The following LACTB variants were observed in gnomAD, a reference collection of about 807,000 sequenced individuals.
The protein encoded by LACTB is lactamase beta, also known as serine beta-lactamase-like protein LACTB, mitochondrial.
Under a neutral mutation model 50.2 loss-of-function variants are expected in LACTB, and 35 were observed. That is an observed-to-expected ratio of 0.70 (90% CI 0.53 to 0.92). The LOEUF (loss-of-function observed/expected upper bound fraction) is 0.92. LACTB is among the 40% of genes least tolerant of loss of function. LACTB has a pLI of 0.00. For synonymous variants in LACTB, 252 were observed against 268.2 expected, an observed-to-expected ratio of 0.94 and a Z score of 0.59; for missense variants, 664 against 691.8, an observed-to-expected ratio of 0.96 and a Z score of 0.45.
intron 5 of LACTB, among the ~76,000 whole-genome samples, chr15:63,138,781 T>C (rs1171845577): frequency 6.6e-6 from 1 of 152,150 alleles, no homozygotes; most frequent in Non-Finnish European, 1.5e-5. Context: ...GGCTTACACC[T>C]GTAATCCTAG....
At chr15:63,136,818 G>A (rs773434499) in intron 5 of LACTB, among the ~76,000 whole-genome samples, 2 of 152,052 alleles carry the variant, frequency 1.3e-5, no homozygotes, top group African/African-American at 4.8e-5. Context: ...TTCCAGCTTC[G>A]TTATGTAGTC....
intron 5 of LACTB, among the ~76,000 whole-genome samples, chr15:63,135,402 C>T (rs1332782334): frequency 6.6e-6 from 1 of 152,194 alleles, no homozygotes; most frequent in Non-Finnish European, 1.5e-5. Context: ...TCAACTACTT[C>T]AGACTCTTTG....
At chr15:63,137,238 C>T (rs2037186370) in intron 5 of LACTB, among the ~76,000 whole-genome samples, 1 of 152,124 alleles carries the variant, frequency 6.6e-6, no homozygotes, top group African/African-American at 2.4e-5. Flanking sequence ...CTAAATAACC[C>T]AGTAAGTGAA....
intron 4 of LACTB, among the ~76,000 whole-genome samples, chr15:63,128,996 G>A (rs1401862561): frequency 1.3e-5 from 2 of 152,130 alleles, no homozygotes; most frequent in Non-Finnish European, 1.5e-5. Context: ...TCCCCCCTTG[G>A]CCTCCCAAAG....
intron 5 of LACTB, chr15:63,131,184 C>T (rs914138046): frequency 2.6e-5 from 4 of 152,140 alleles, no homozygotes; most frequent in East Asian, 1.9e-4. Flanking sequence ...CTCGGCTGCT[C>T]GGGAGTCTGA....
chr15:63,122,324 G>A (rs1453669230), intron 1 of LACTB, 96 bp downstream of exon 1: 1 of 1,095,176 alleles, frequency 9.1e-7, no homozygotes, highest in Non-Finnish European at 1.3e-6. Flanking sequence ...GGGCGGCGGG[G>A]TGCCCGCGAT....
chr15:63,139,073 G>C (rs145042967), intron 5 of LACTB, among the ~76,000 whole-genome samples: 2 of 149,214 alleles, frequency 1.3e-5, no homozygotes, highest in Non-Finnish European at 3.0e-5. Flanking sequence ...AATCGGCCAG[G>C]AACAGTGGCT....
At chr15:63,135,577 G>A (rs192665231) in intron 5 of LACTB, among the ~76,000 whole-genome samples, 3 of 152,074 alleles carry the variant, frequency 2.0e-5, no homozygotes, top group Admixed American at 6.6e-5. Flanking sequence ...AAAATCAGCC[G>A]GGCATGGTGG....
chr15:63,130,263 G>A (rs1045309543), intron 5 of LACTB: 2 of 152,316 alleles, frequency 1.3e-5, no homozygotes, highest in African/African-American at 4.8e-5. Context: ...CCAACACTTT[G>A]GAAGGCCGAG....
At position 63,121,968 on chromosome 15, in the gene LACTB, C is replaced by G. The variant is rs1048982587; in HGVS notation, c.97C>G (p.Leu33Val). Residue 33 changes from leucine (L) to valine (V), a missense_variant, in exon 1 of 6, where the codon CTG becomes GTG. Coordinates refer to ENST00000261893, the MANE Select transcript of LACTB (RefSeq NM_032857.5). ...ACGCGGGGTCCATCAGCGCGCCGGG[C>G]TGCCGCCTCTCGGCCACGGCTGGGT... ...GRRGVHQRAG[L>V]PPLGHGWVGG... The G allele has an allele frequency of 1.5e-6, 2 of 1,376,326 alleles. No individual in the cohort carries two copies. The highest frequency in any genetic ancestry group is 1.9e-6 in the Non-Finnish European group (2 of 1,073,714). 85.3% of individuals were successfully genotyped at this position (1,376,326 alleles called of 1,614,324 possible).
Position 63,127,560 on chromosome 15 carries a change from T to G in LACTB, c.823T>G (p.Cys275Gly). 1 of 1,613,916 alleles carries G rather than the reference T, an allele frequency of 6.2e-7. No individual in the cohort carries two copies. Among genetic ancestry groups the G allele is most frequent in the Non-Finnish European group, 8.5e-7 (1 of 1,179,896 alleles). Residue 275 changes from cysteine (C) to glycine (G), a missense_variant, in exon 4 of 6, where the codon TGC becomes GGC. Cys to Gly is a radical substitution (Grantham distance 159). Coordinates refer to ENST00000261893, the MANE Select transcript of LACTB (RefSeq NM_032857.5). ...AACAGAGCAGGAGAATGAAGCCAAA[T>G]GCCGGAATTCAAAACCTGGCAAGAA... is the stretch of plus-strand genomic sequence containing the variant. ...FKTEQENEAK[C>G]RNSKPGKKKN... is the part of the protein sequence containing the mutation.
intron 2 of LACTB, among the ~76,000 whole-genome samples, chr15:63,125,621 ACAAATTTATAGTCATTGTATTCCTTT>A: frequency 1.3e-5 from 2 of 152,120 alleles, no homozygotes; most frequent in African/African-American, 4.8e-5. Flanking sequence ...TTAAGATTAT[ACAAATTTATAGTCATTGTATTCCTTT>A]TCTTTTCAGA....
In LACTB at chr15:63,122,196, G is replaced by C. The variant is rs2141065873; in HGVS notation, c.325G>C (p.Glu109Gln). The C allele has an allele frequency of 6.5e-7, 1 of 1,545,022 alleles. No homozygotes were observed. The highest frequency in any genetic ancestry group is 8.7e-7 in the Non-Finnish European group (1 of 1,154,716). The change falls in exon 1 of 6, where the codon GAG becomes CAG. Residue 109 changes from glutamate (E) to glutamine (Q), a missense_variant. Physicochemically the swap from Glu to Gln is conservative, Grantham distance 29. Transcript: ENST00000261893. Reference protein sequence around the residue: ...PCSRCFARAIESSRDLLHRIK... With the variant: ...PCSRCFARAIQSSRDLLHRIK... Reference sequence around the variant, plus strand: ...CTCCAGGTGCTTCGCCAGAGCCATCGAGAGCAGCCGCGACCTGCTGCACAG... The same window carrying C: ...CTCCAGGTGCTTCGCCAGAGCCATCCAGAGCAGCCGCGACCTGCTGCACAG...
At chr15:63,136,566 G>A (rs1126310) in intron 5 of LACTB, among the ~76,000 whole-genome samples, 111,578 of 151,970 alleles carry the variant, frequency 0.73, 41,556 homozygotes, top group East Asian at 1. Context: ...TGTTTTGTCT[G>A]TTTGCTTTAT....
intron 5 of LACTB, among the ~76,000 whole-genome samples, chr15:63,131,762 T>A (rs1461380825): frequency 6.6e-6 from 1 of 152,066 alleles, no homozygotes; most frequent in African/African-American, 2.4e-5. Context: ...TAGGGCAACA[T>A]AGTGAGACCC....
intron 5 of LACTB, chr15:63,141,000 G>A (rs564078195): frequency 2.0e-6 from 2 of 984,742 alleles, no homozygotes; most frequent in East Asian, 1.1e-4. Flanking sequence ...CATTTTTGCA[G>A]GTATTAAAGG....
chr15:63,122,439 G>T (rs977918875), intron 1 of LACTB, 197 bp from the exon 2 acceptor site: 11 of 677,256 alleles, frequency 1.6e-5, no homozygotes, highest in African/African-American at 9.0e-5. Flanking sequence ...CTCGGGGACC[G>T]CCCCTTCCCC....
chr15:63,139,826 A>T (rs1314321214), intron 5 of LACTB, among the ~76,000 whole-genome samples: 1 of 147,790 alleles, frequency 6.8e-6, no homozygotes, highest in Non-Finnish European at 1.5e-5. Flanking sequence ...GGCTGGGCAC[A>T]GTGGCTCATG....
At chr15:63,139,196 A>C (rs1159565609) in intron 5 of LACTB, among the ~76,000 whole-genome samples, 648 of 12,400 alleles carry the variant, frequency 0.052, 28 homozygotes, top group East Asian at 0.5. Context: ...TAAAAATCCA[A>C]AAAAAAAAAA....
Sources: allele counts gnomAD v4.1 joint callset (sites outside exome capture counted in the v4.1 genomes callset), GRCh38; gene constraint gnomAD v4.1.1; transcripts MANE v1.5; gene names NCBI Gene and HGNC (gene_info 2026-07-23, HGNC 2026-07-21).